CUL5: variants seen among roughly 807,000 people sequenced by gnomAD.
CUL5 encodes the protein cullin-5.
Under a neutral mutation model 108.8 loss-of-function variants are expected in CUL5, and 26 were observed. That is an observed-to-expected ratio of 0.24 (90% confidence interval 0.18 to 0.33). CUL5 has a LOEUF of 0.33. CUL5 is among the 10% of genes least tolerant of loss of function. The pLI, the probability that CUL5 is intolerant of heterozygous loss-of-function variation, is 1.00. For synonymous variants in CUL5, 334 were observed against 298.0 expected, an observed-to-expected ratio of 1.12 and a Z score of -1.25; for missense variants, 524 against 909.2, an observed-to-expected ratio of 0.58 and a Z score of 5.45.
chr11:108,080,944 A>T (rs1214236453), intron 11 of CUL5, among the ~76,000 whole-genome samples: 1 of 148,900 alleles, frequency 6.7e-6, no homozygotes, highest in African/African-American at 2.5e-5. Context: ...TAGATCATGA[A>T]GATTTATCAT....
chr11:108,050,337 T>G (rs1257884682), intron 4 of CUL5, among the ~76,000 whole-genome samples: 1 of 152,072 alleles, frequency 6.6e-6, no homozygotes, highest in Non-Finnish European at 1.5e-5. Flanking sequence ...CTCCTGGTAT[T>G]CAGTATTTTA....
chr11:108,040,677 C>A (rs1565241541), intron 2 of CUL5, among the ~76,000 whole-genome samples: 1 of 149,976 alleles, frequency 6.7e-6, no homozygotes, highest in East Asian at 2.0e-4. Context: ...CCCAACTACT[C>A]AGGAGGCTGA....
At chr11:108,080,189 T>G (rs1052664356) in intron 11 of CUL5, among the ~76,000 whole-genome samples, 1 of 151,554 alleles carries the variant, frequency 6.6e-6, no homozygotes, top group African/African-American at 2.4e-5. Context: ...CTCCACCTCC[T>G]GGGCTTAAGC....
intron 5 of CUL5, among the ~76,000 whole-genome samples, chr11:108,053,831 A>G (rs12270289): frequency 0.017 from 2,559 of 151,474 alleles, 80 homozygotes; most frequent in African/African-American, 0.058. Context: ...GGCATGCACC[A>G]CCACACCTGG....
rs138221170 is a variant in CUL5 at position 108,094,378 on chromosome 11, T to G, written c.1444-13T>G. 1 of 1,564,772 alleles carries G rather than the reference T, an allele frequency of 6.4e-7. No individual in the cohort carries two copies. Among genetic ancestry groups the G allele is most frequent in the Non-Finnish European group, 8.6e-7 (1 of 1,157,728 alleles). ...TATTTATTACCTCTTCCTTCTTTGG[T>G]TTATATTTATAGGAAGTTGGTATGC... On this transcript the variant is annotated splice_polypyrimidine_tract_variant and intron_variant, in intron 13 of 18. Coordinates refer to ENST00000393094, the MANE Select transcript of CUL5 (RefSeq NM_003478.6).
chr11:108,018,660 G>A (rs1477346532), intron 1 of CUL5, among the ~76,000 whole-genome samples: 1 of 152,038 alleles, frequency 6.6e-6, no homozygotes, highest in Non-Finnish European at 1.5e-5. Flanking sequence ...GGGTGACGGA[G>A]TGAGACTGTG....
chr11:108,040,575 G>T (rs1053685214), intron 2 of CUL5, among the ~76,000 whole-genome samples: 2 of 140,810 alleles, frequency 1.4e-5, no homozygotes, highest in Non-Finnish European at 3.0e-5. Flanking sequence ...TTGTGCCACT[G>T]CACTCCAGCC....
intron 2 of CUL5, among the ~76,000 whole-genome samples, chr11:108,038,821 A>C (rs949992687): frequency 2.6e-5 from 4 of 152,144 alleles, no homozygotes; most frequent in Admixed American, 2.6e-4. Context: ...TTAATCGTTA[A>C]CATTTAGGTT....
intron 7 of CUL5, among the ~76,000 whole-genome samples, chr11:108,059,725 TA>T (rs1447620780): frequency 6.6e-6 from 1 of 151,032 alleles, no homozygotes. Context: ...AAAAAAAAAA[TA>T]CAAAAAAATT....
chr11:108,011,205 C>G (rs1285215144), intron 1 of CUL5, among the ~76,000 whole-genome samples: 1 of 152,230 alleles, frequency 6.6e-6, no homozygotes, highest in African/African-American at 2.4e-5. Context: ...GAGTAAGTCA[C>G]TGTTCTACTT....
chr11:108,026,720 G>A (rs1371426404), intron 1 of CUL5, among the ~76,000 whole-genome samples: 1 of 152,138 alleles, frequency 6.6e-6, no homozygotes, highest in Non-Finnish European at 1.5e-5. Flanking sequence ...GCCAGGCGCA[G>A]TGGCTCACGT....
chr11:108,098,670 G>T, intron 18 of CUL5, 141 bp downstream of exon 18: 1 of 490,662 alleles, frequency 2.0e-6, no homozygotes, highest in Non-Finnish European at 3.2e-6. Context: ...AACACTTTGG[G>T]ATGCTGAGGC....
chr11:108,054,753 G>T lies in CUL5; in HGVS notation c.660G>T (p.Ser220=). The change falls in exon 6 of 19, where the codon TCG becomes TCT. Residue 220 remains serine (S), a synonymous_variant. Transcript: ENST00000393094. ...GATTTTATAGAACACAAGCACCCTC[G>T]TATTTACAACAAAATGGTGTACAGA... ...TERFYRTQAP[S]YLQQNGVQNY... The T allele has an allele frequency of 6.2e-7, 1 of 1,611,250 alleles. No homozygotes were observed. Among genetic ancestry groups the T allele is most frequent in the African/African-American group, 1.3e-5 (1 of 74,954 alleles).
In CUL5 at chr11:108,104,883, T is replaced by C. The variant is rs1864753479; in HGVS notation, c.*499T>C. The C allele has an allele frequency of 6.6e-6, 1 of 152,630 alleles. No individual in the cohort carries two copies. Among genetic ancestry groups the C allele is most frequent in the African/African-American group, 2.4e-5 (1 of 41,448 alleles). 9.5% of individuals were successfully genotyped at this position (152,630 alleles called of 1,614,324 possible). ...AAAGAGTGAGCTGGTCAATGCAACA[T>C]TGGGAAACGGCAGATGTAGGTGAGA... On this transcript the variant is annotated 3_prime_UTR_variant, in exon 19 of 19. Coordinates refer to ENST00000393094, the MANE Select transcript of CUL5 (RefSeq NM_003478.6).
intron 1 of CUL5, among the ~76,000 whole-genome samples, chr11:108,026,988 CA>C (rs34941469): frequency 0.42 from 40,406 of 97,194 alleles, 6,218 homozygotes; most frequent in African/African-American, 0.51. Flanking sequence ...GACTCCGTCT[CA>C]AAAAAAAAAA....
Position 108,046,362 on chromosome 11 carries a change from C to A in CUL5, c.227C>A (p.Ala76Glu). The A allele has an allele frequency of 6.3e-7, 1 of 1,588,238 alleles. No individual in the cohort carries two copies. Among genetic ancestry groups the A allele is most frequent in the Non-Finnish European group, 8.6e-7 (1 of 1,157,962 alleles). Reference protein sequence around the residue: ...KEDILEFIKQAQARVLSHQDD... With the variant: ...KEDILEFIKQEQARVLSHQDD... Reference sequence around the variant, plus strand: ...GATATTCTTGAGTTTATTAAGCAAGCACAGGCAGTAAGTTCTACATGCTTA... The same window carrying A: ...GATATTCTTGAGTTTATTAAGCAAGAACAGGCAGTAAGTTCTACATGCTTA... Residue 76 changes from alanine to glutamate, a missense_variant, in exon 3 of 19, where the codon GCA becomes GAA. This residue lies in a region of CUL5 where 76 missense variants were observed against 90.8 expected (regional missense o/e 0.84). Transcript: ENST00000393094.
At chr11:108,034,370 A>G (rs891543947) in intron 2 of CUL5, among the ~76,000 whole-genome samples, 5 of 152,184 alleles carry the variant, frequency 3.3e-5, no homozygotes, top group Non-Finnish European at 7.3e-5. Context: ...CTCAACATGT[A>G]CCAAAATCAG....
At chr11:108,078,362 G>A (rs1441169100) in intron 11 of CUL5, 122 bp downstream of exon 11, 1 of 471,654 alleles carries the variant, frequency 2.1e-6, no homozygotes, top group Non-Finnish European at 3.8e-6. Flanking sequence ...TGTGACTTTT[G>A]CAGCTTTTGG....
chr11:108,036,941 C>T (rs1428759944), intron 2 of CUL5, among the ~76,000 whole-genome samples: 3 of 152,148 alleles, frequency 2.0e-5, no homozygotes, highest in Admixed American at 1.3e-4. Context: ...GAGTGGTTCA[C>T]TCTCCCCACT....
Sources: gnomAD v4.1 joint callset for allele counts (sites outside exome capture counted in the v4.1 genomes callset) on GRCh38, gnomAD v4.1.1 for gene constraint, gnomAD v4.1.1 regional missense constraint, MANE v1.5 for transcripts, NCBI Gene and HGNC (gene_info 2026-07-23, HGNC 2026-07-21) for gene names.